Variants in EYS observed in about 807,000 individuals in gnomAD.
EYS encodes the protein protein eyes shut homolog.
In EYS, 250 loss-of-function variants were observed where a neutral mutation model predicts 282.1. That is an observed-to-expected ratio of 0.89 (90% CI 0.80 to 0.98). The LOEUF (loss-of-function observed/expected upper bound fraction) is 0.98, where lower values mean the gene tolerates loss of function less well. Ranked by LOEUF, EYS falls within the 50% of genes least tolerant of loss-of-function variation. The probability of loss-of-function intolerance (pLI) is 0.00; values close to 1 mark genes in which losing one functional copy is unlikely to be tolerated. For synonymous variants in EYS, 1,355 were observed against 1,282.9 expected (o/e 1.06, Z -1.20); for missense variants, 4,016 against 3,709.0 (o/e 1.08, Z -2.15).
At chr6:65,459,930 C>A (rs1362890601) in intron 5 of EYS, among the ~76,000 whole-genome samples, 2 of 121,366 alleles carry the variant, frequency 1.6e-5, no homozygotes, top group African/African-American at 5.7e-5. Context: ...TTTTTCCATA[C>A]TTTTTCTGGT....
chr6:64,009,904 G>A (rs1768527729), intron 33 of EYS, among the ~76,000 whole-genome samples: 2 of 151,988 alleles, frequency 1.3e-5, no homozygotes, highest in South Asian at 4.1e-4. Flanking sequence ...TGTGTTTTTG[G>A]TTTGTTTGTT....
At chr6:64,125,920 T>A (rs1043347904) in intron 31 of EYS, among the ~76,000 whole-genome samples, 6 of 143,124 alleles carry the variant, frequency 4.2e-5, no homozygotes, top group South Asian at 2.1e-4. Flanking sequence ...TCTCTTCTTT[T>A]TTTTTTTTTT....
intron 30 of EYS, among the ~76,000 whole-genome samples, chr6:64,243,889 G>T (rs147327684): frequency 4.6e-4 from 70 of 152,170 alleles, no homozygotes; most frequent in African/African-American, 1.6e-3. Context: ...TAAACATCAT[G>T]GTTGTTTCAA....
chr6:64,944,086 A>G (rs1385498320), intron 15 of EYS, among the ~76,000 whole-genome samples: 1 of 152,094 alleles, frequency 6.6e-6, no homozygotes, highest in Non-Finnish European at 1.5e-5. Flanking sequence ...GCCATTTAAT[A>G]TTTGATAAAT....
At chr6:64,850,540 G>A (rs567155485) in intron 19 of EYS, among the ~76,000 whole-genome samples, 6 of 152,094 alleles carry the variant, frequency 3.9e-5, no homozygotes, top group Admixed American at 3.9e-4. Flanking sequence ...ATATTAGAAA[G>A]GGAAATAAGA....
intron 26 of EYS, among the ~76,000 whole-genome samples, chr6:64,501,605 A>G (rs1777046161): frequency 6.6e-6 from 1 of 152,172 alleles, no homozygotes; most frequent in South Asian, 2.1e-4. Flanking sequence ...GGCATAGCCC[A>G]TGATCTAGGG....
At chr6:64,359,907 CT>C (rs564957195) in intron 29 of EYS, among the ~76,000 whole-genome samples, 60 of 151,654 alleles carry the variant, frequency 4.0e-4, no homozygotes, top group Non-Finnish European at 6.6e-4. Context: ...CCTCATTTTG[CT>C]TTTTAATACC....
chr6:65,038,335 A>G (rs2150147744), intron 13 of EYS, among the ~76,000 whole-genome samples: 1 of 151,624 alleles, frequency 6.6e-6, no homozygotes, highest in South Asian at 2.1e-4. Context: ...TTGAAATAAA[A>G]AGTGAAATCT....
intron 33 of EYS, among the ~76,000 whole-genome samples, chr6:64,019,898 ACT>A (rs1769104951): frequency 6.7e-6 from 1 of 149,248 alleles, no homozygotes; most frequent in Non-Finnish European, 1.5e-5. Context: ...ATAAGTGGAC[ACT>A]CTATTAAGAT....
At chr6:64,993,491 C>A (rs796109330) in intron 14 of EYS, among the ~76,000 whole-genome samples, 7 of 145,722 alleles carry the variant, frequency 4.8e-5, no homozygotes, top group Non-Finnish European at 7.5e-5. Context: ...AAAATCAAAC[C>A]TGCATGTTCT....
intron 36 of EYS, among the ~76,000 whole-genome samples, chr6:63,826,846 A>AAAAAAAAAAAAAAAAAAG (rs1771479190): frequency 0.014 from 36 of 2,500 alleles, no homozygotes; most frequent in African/African-American, 0.03. Context: ...GTTAAAAAGC[A>AAAAAAAAAAAAAAAAAAG]AAAAAAAAAA....
At chr6:64,939,496 T>C (rs1288420336) in intron 15 of EYS, among the ~76,000 whole-genome samples, 2 of 151,958 alleles carry the variant, frequency 1.3e-5, no homozygotes, top group Non-Finnish European at 1.5e-5. Flanking sequence ...TTGTAGATGT[T>C]GCTTATTTTG....
intron 16 of EYS, among the ~76,000 whole-genome samples, chr6:64,906,388 T>C (rs965508012): frequency 2.8e-4 from 42 of 152,308 alleles, no homozygotes; most frequent in African/African-American, 8.9e-4. Flanking sequence ...TTTCTACAGC[T>C]ATTAACCTTA....
chr6:64,569,869 C>A (rs773999566), intron 26 of EYS, among the ~76,000 whole-genome samples: 5 of 152,032 alleles, frequency 3.3e-5, no homozygotes, highest in Admixed American at 6.6e-5. Context: ...GAATGGAAAA[C>A]ACTCTTCGGG....
At chr6:64,810,959 A>G (rs767147103) in intron 22 of EYS, among the ~76,000 whole-genome samples, 52 of 152,204 alleles carry the variant, frequency 3.4e-4, no homozygotes, top group Non-Finnish European at 5.6e-4. Flanking sequence ...AAATTTAGAG[A>G]ACACAAAATA....
intron 14 of EYS, among the ~76,000 whole-genome samples, chr6:64,989,312 T>C (rs1770968644): frequency 6.8e-6 from 1 of 147,550 alleles, no homozygotes; most frequent in South Asian, 2.1e-4. Flanking sequence ...GTAGTCAAGA[T>C]GATGCCATAG....
chr6:65,566,174 G>T (rs1398417333), intron 2 of EYS, among the ~76,000 whole-genome samples: 1 of 152,078 alleles, frequency 6.6e-6, no homozygotes, highest in African/African-American at 2.4e-5. Flanking sequence ...TTTCCTTGGG[G>T]ACATGTATAG....
chr6:64,890,282 C>T (rs1767247027), intron 18 of EYS, among the ~76,000 whole-genome samples: 1 of 152,114 alleles, frequency 6.6e-6, no homozygotes, highest in African/African-American at 2.4e-5. Flanking sequence ...TCTCGCCCTG[C>T]CTCCATTTGC....
intron 37 of EYS, among the ~76,000 whole-genome samples, chr6:63,792,210 G>A (rs972758262): frequency 6.6e-6 from 1 of 151,618 alleles, no homozygotes; most frequent in Admixed American, 6.6e-5. Flanking sequence ...GAGGGGATAA[G>A]GAGAGCCAGG....
Sources: allele counts gnomAD v4.1 joint callset (sites outside exome capture counted in the v4.1 genomes callset), GRCh38; gene constraint gnomAD v4.1.1; transcripts MANE v1.5; gene names NCBI Gene and HGNC (gene_info 2026-07-23, HGNC 2026-07-21).